Variants in SCIN observed in about 807,000 individuals in gnomAD.
The protein encoded by SCIN is adseverin.
SCIN carries 91 observed loss-of-function variants against 91.8 expected under a neutral mutation model. The observed-to-expected ratio is 0.99, with a 90% CI of 0.84 to 1.18. The LOEUF is 1.18. Ranked by LOEUF, SCIN falls within the 50% of genes most tolerant of loss-of-function variation. The pLI is 0.00. For missense variants in SCIN, 1,087 were observed against 863.9 expected, an observed-to-expected ratio of 1.26 and a Z score of -3.24; for synonymous variants, 367 against 312.6, an observed-to-expected ratio of 1.17 and a Z score of -1.84.
chr7:12,596,528 A>G (rs1184906236), intron 3 of SCIN: 2 of 447,756 alleles, frequency 4.5e-6, no homozygotes, highest in Non-Finnish European at 9.0e-6. Flanking sequence ...TGACATTCCT[A>G]GTGGTTGGGG....
chr7:12,580,609 A>G (rs1283085780), intron 2 of SCIN, among the ~76,000 whole-genome samples: 1 of 152,160 alleles, frequency 6.6e-6, no homozygotes, highest in Admixed American at 6.5e-5. Flanking sequence ...ACCCTGTACC[A>G]GTGTGAACTT....
rs755046628 is a variant in SCIN at position 12,651,405 on chromosome 7, G to A, written c.1960-436G>A. The stretch of plus-strand genomic sequence containing the variant: ...TCCCCTACAAAAGGCAGATTTGCAG[G>A]GCTATTTCTGTTTGCAAGTCCTCTG... On this transcript the variant is annotated intron_variant, in intron 14 of 15. Transcript: ENST00000297029. The surrounding 1 kb of genome is among the most constrained non-coding windows in gnomAD (Gnocchi z 5.9). Among the ~76,000 whole-genome samples, 1 of 152,134 alleles carries A rather than the reference G, an allele frequency of 6.6e-6. No homozygotes were observed. Among genetic ancestry groups the A allele is most frequent in the Non-Finnish European group, 1.5e-5 (1 of 68,020 alleles).
In SCIN at chr7:12,577,816, A is replaced by G. The variant is rs547899074; in HGVS notation, c.200-248A>G. On this transcript the variant is annotated intron_variant, in intron 1 of 15. Coordinates refer to ENST00000297029, the MANE Select transcript of SCIN (RefSeq NM_001112706.3). ...GGTTACAGTGAGCTATGATTATGCC[A>G]TTGCATTCCAGGCTTAGCAACAGAG... 422 of 463,972 alleles carry G rather than the reference A, an allele frequency of 9.1e-4. 8 individuals are homozygous for G. The South Asian group carries it at 0.01, about 11-fold the overall frequency. The allele number at this position is 463,972 out of a possible 1,614,324, so 28.7% of individuals were successfully genotyped here. A position where few individuals can be genotyped will look rare whatever the true frequency, so the allele number is the denominator to read the frequency against.
At chr7:12,582,492 A>C (rs1279556908) in intron 3 of SCIN, among the ~76,000 whole-genome samples, 1 of 152,208 alleles carries the variant, frequency 6.6e-6, no homozygotes, top group African/African-American at 2.4e-5. Context: ...TACATAATCC[A>C]ACTGTCTTGG....
At position 12,575,824 on chromosome 7, in the gene SCIN, A is replaced by G. The variant is rs139835568; in HGVS notation, c.200-2240A>G. ...ACACAAAGTTCATAAGTTTCTAAAT[A>G]CTTTCTGGAATTCCATCATGCTACA... On this transcript the variant is annotated intron_variant, in intron 1 of 15. Transcript: ENST00000297029. Among the ~76,000 whole-genome samples, 7 of 152,246 alleles carry G rather than the reference A, an allele frequency of 4.6e-5. No homozygotes were observed. The East Asian group carries it at 1.4e-3, about 29-fold the overall frequency.
chr7:12,624,102 G>A (rs572738610), intron 5 of SCIN, among the ~76,000 whole-genome samples: 19 of 152,146 alleles, frequency 1.2e-4, no homozygotes, highest in Non-Finnish European at 2.4e-4. Context: ...GAGCTATGCT[G>A]TATTACATGG....
rs17149965 is a variant in SCIN at position 12,570,747 on chromosome 7, G to A, written c.-40G>A. On this transcript the variant is annotated 5_prime_UTR_variant, in exon 1 of 16. Transcript: ENST00000297029. The stretch of plus-strand genomic sequence containing the variant: ...CTGCTCTCGGTTTAGTCCAAGATCA[G>A]CGATATCACGCGTCCCCCGGAGCAT... The A allele has an allele frequency of 0.043, 66,551 of 1,541,254 alleles. 1,664 individuals carry two copies. The highest frequency in any genetic ancestry group is 0.049 in the Non-Finnish European group (56,166 of 1,142,100).
At position 12,629,126 on chromosome 7, in the gene SCIN, G is replaced by T. The variant is rs2115278313; in HGVS notation, c.1223G>T (p.Arg408Met). 6.2e-7 allele frequency: 1 copy of T among 1,612,698 alleles called. No homozygotes were observed. Among genetic ancestry groups the T allele is most frequent in the South Asian group, 1.1e-5 (1 of 90,908 alleles). ...ATTTGGCGTGTAGAAAACAATGGTA[G>T]GATCCAAGTTGACCAAAACTCATAT... Reference protein sequence around the residue: ...VEIWRVENNGRIQVDQNSYGE... With the variant: ...VEIWRVENNGMIQVDQNSYGE... Residue 408 changes from arginine to methionine, a missense_variant, in exon 9 of 16, where the codon AGG (arginine) becomes ATG (methionine). Transcript: ENST00000297029.
rs768387340 is a variant in SCIN at position 12,655,718 on chromosome 7, ATAT to A, written c.*3007_*3009del. On this transcript the variant is annotated 3_prime_UTR_variant, in exon 16 of 16. Coordinates refer to ENST00000297029, the MANE Select transcript of SCIN (RefSeq NM_001112706.3). ...TTACTTTTGTAAACATACACAAAAA[ATAT>A]TATATATTTGCCAAACGTATGTACT... 6.6e-6 allele frequency: 1 copy of A among 152,228 alleles called. No individual in the cohort carries two copies. The highest frequency in any genetic ancestry group is 6.5e-5 in the Admixed American group (1 of 15,284). 9.4% of individuals were successfully genotyped at this position (152,228 alleles called of 1,614,324 possible).
intron 3 of SCIN, among the ~76,000 whole-genome samples, chr7:12,585,101 G>T (rs994534888): frequency 6.6e-6 from 1 of 152,058 alleles, no homozygotes; most frequent in East Asian, 1.9e-4. Context: ...CAGTCATGCT[G>T]CTTTGAAAAA....
intron 4 of SCIN, among the ~76,000 whole-genome samples, chr7:12,606,814 A>G (rs896055465): frequency 6.6e-6 from 1 of 152,216 alleles, no homozygotes; most frequent in African/African-American, 2.4e-5. Flanking sequence ...TAAAAAATTA[A>G]GATAAAATTA....
At chr7:12,597,563 G>A (rs924254949) in intron 3 of SCIN, among the ~76,000 whole-genome samples, 1 of 152,066 alleles carries the variant, frequency 6.6e-6, no homozygotes, top group African/African-American at 2.4e-5. Flanking sequence ...TTTTACTTTT[G>A]CCCTTATTTT....
At chr7:12,591,777 G>C (rs2115230731) in intron 3 of SCIN, among the ~76,000 whole-genome samples, 1 of 152,264 alleles carries the variant, frequency 6.6e-6, no homozygotes, top group Admixed American at 6.5e-5. Flanking sequence ...GGTGGGGGTA[G>C]ATTTTCTATT....
chr7:12,612,929 T>C (rs1488985500), intron 4 of SCIN, among the ~76,000 whole-genome samples: 1 of 152,174 alleles, frequency 6.6e-6, no homozygotes, highest in Non-Finnish European at 1.5e-5. Flanking sequence ...GTTATATTAA[T>C]CAGTCCAAGT....
rs375297753 is a variant in SCIN, at chr7:12,610,269, A to T, written c.666+5606A>T. On this transcript the variant is annotated intron_variant, in intron 4 of 15. Coordinates refer to ENST00000297029, the MANE Select transcript of SCIN (RefSeq NM_001112706.3). ...GCCATTCTCTTGGAAAGTTGATGGG[A>T]TATTTACCCTATGCTGATCTGGCTG... Among the ~76,000 whole-genome samples the T allele has an allele frequency of 2.7e-4, 41 of 152,342 alleles. No homozygotes were observed. The East Asian group carries it at 6.8e-3, about 25-fold the overall frequency.
intron 1 of SCIN, among the ~76,000 whole-genome samples, chr7:12,573,168 G>T (rs1466432016): frequency 1.3e-5 from 2 of 152,152 alleles, no homozygotes; most frequent in African/African-American, 4.8e-5. Context: ...ATCCAAAATA[G>T]TGTAGTCTAA....
chr7:12,574,063 TGAA>T (rs1216403029), intron 1 of SCIN, among the ~76,000 whole-genome samples: 2 of 152,112 alleles, frequency 1.3e-5, no homozygotes, highest in African/African-American at 4.8e-5. Context: ...TCCAGAAAAA[TGAA>T]GTTTTGTATT....
chr7:12,650,992 TG>T (rs1332157284), intron 14 of SCIN, among the ~76,000 whole-genome samples: 5 of 152,176 alleles, frequency 3.3e-5, no homozygotes, highest in Non-Finnish European at 7.3e-5. Flanking sequence ...TCCCCTTCAC[TG>T]TCCACAGGTT....
intron 9 of SCIN, among the ~76,000 whole-genome samples, chr7:12,629,709 A>G (rs1783604130): frequency 6.6e-6 from 1 of 152,212 alleles, no homozygotes; most frequent in Non-Finnish European, 1.5e-5. Flanking sequence ...AGAATAATGG[A>G]AAAAATATGC....
Sources: gnomAD v4.1 joint callset for allele counts (sites outside exome capture counted in the v4.1 genomes callset) on GRCh38, gnomAD v4.1.1 for gene constraint, Gnocchi (gnomAD v3.1) non-coding constraint, MANE v1.5 for transcripts, NCBI Gene and HGNC (gene_info 2026-07-23, HGNC 2026-07-21) for gene names.